The following DOCK4 variants were observed in gnomAD, a reference collection of about 807,000 sequenced individuals.
DOCK4 encodes the protein dedicator of cytokinesis 4.
A neutral mutation model predicts 268.1 loss-of-function variants in DOCK4; 97 were observed. The observed-to-expected ratio is 0.36, with a 90% CI of 0.31 to 0.43. The LOEUF (loss-of-function observed/expected upper bound fraction) is 0.43. Among genes scored for constraint, DOCK4 ranks in the 20% least tolerant of loss-of-function variants. The pLI is 1.00. For synonymous variants in DOCK4, 954 were observed against 887.2 expected (o/e 1.08, Z -1.34); for missense variants, 2,145 against 2,455.7 (o/e 0.87, Z 2.67).
At chr7:111,825,390 C>A (rs1802316562) in intron 26 of DOCK4, among the ~76,000 whole-genome samples, 1 of 152,070 alleles carries the variant, frequency 6.6e-6, no homozygotes, top group South Asian at 2.1e-4. Context: ...TCCCTCCCTC[C>A]CACCCAAAAT....
chr7:112,091,692 G>A (rs1400115635), intron 1 of DOCK4, among the ~76,000 whole-genome samples: 1 of 152,116 alleles, frequency 6.6e-6, no homozygotes, highest in Non-Finnish European at 1.5e-5. Context: ...CAACTCACAA[G>A]GGTATTTCTC....
intron 4 of DOCK4, 49 bp from the exon 5 acceptor site, chr7:111,994,280 A>G: frequency 7.9e-7 from 1 of 1,267,360 alleles, no homozygotes; most frequent in Non-Finnish European, 1.1e-6. Flanking sequence ...CATAGACAAC[A>G]ATTTTGTTTT....
intron 1 of DOCK4, among the ~76,000 whole-genome samples, chr7:112,205,807 G>T (rs879288772): frequency 3.3e-5 from 5 of 150,794 alleles, no homozygotes; most frequent in Non-Finnish European, 5.9e-5. Context: ...ACGCCCAGTC[G>T]CCACTCCAAA....
chr7:111,976,562 T>C (rs1355353292), intron 8 of DOCK4: 3 of 151,858 alleles, frequency 2.0e-5, no homozygotes, highest in Non-Finnish European at 4.4e-5. Context: ...ATACACCATA[T>C]ATCTTTTCTA....
chr7:111,945,169 A>G (rs7811953), intron 9 of DOCK4, among the ~76,000 whole-genome samples: 18,620 of 152,138 alleles, frequency 0.12, 1,578 homozygotes, highest in East Asian at 0.37. Context: ...TGCTGAGTGC[A>G]ATCACTGGTT....
At chr7:112,168,265 T>C (rs900497031) in intron 1 of DOCK4, among the ~76,000 whole-genome samples, 5 of 152,224 alleles carry the variant, frequency 3.3e-5, no homozygotes, top group African/African-American at 1.2e-4. Context: ...TGGACTACAA[T>C]GAATGAGAAT....
chr7:112,039,507 T>G (rs1022522811), intron 1 of DOCK4, among the ~76,000 whole-genome samples: 1 of 152,120 alleles, frequency 6.6e-6, no homozygotes, highest in Non-Finnish European at 1.5e-5. Context: ...TACATTATAC[T>G]TATCCTTAAA....
At chr7:111,765,032 T>C in intron 39 of DOCK4, 86 bp downstream of exon 39, 2 of 599,830 alleles carry the variant, frequency 3.3e-6, no homozygotes, top group Non-Finnish European at 5.4e-6. Flanking sequence ...TTACCTGTCA[T>C]ATAAAATGTC....
In DOCK4 at chr7:111,728,548, A is replaced by AG. The variant is rs1372335757; in HGVS notation, c.5653dup (p.Leu1885ProfsTer76). The AG allele has an allele frequency of 1.9e-6, 3 of 1,613,676 alleles. No individual in the cohort carries two copies. Among genetic ancestry groups the AG allele is most frequent in the Non-Finnish European group, 2.5e-6 (3 of 1,179,836 alleles). On this transcript the variant is annotated frameshift_variant, in exon 53 of 53. Coordinates refer to ENST00000428084, the MANE Select transcript of DOCK4 (RefSeq NM_001363540.2). LOFTEE classifies it high-confidence loss of function. ...CACGGGCACCGGCACTGGCACCGGCAGGGGGGCCGACTGTTCATTCACCTG... is the reference window on the plus strand; with the variant it reads ...CACGGGCACCGGCACTGGCACCGGCAGGGGGGGCCGACTGTTCATTCACCTG...
At chr7:111,958,406 G>C (rs1274171078) in intron 8 of DOCK4, among the ~76,000 whole-genome samples, 2 of 152,130 alleles carry the variant, frequency 1.3e-5, no homozygotes, top group Non-Finnish European at 2.9e-5. Flanking sequence ...TATCCTGTAG[G>C]GAACTTAGGA....
chr7:111,962,860 T>C (rs1797038893), intron 8 of DOCK4, among the ~76,000 whole-genome samples: 1 of 152,214 alleles, frequency 6.6e-6, no homozygotes, highest in Non-Finnish European at 1.5e-5. Context: ...TCATCTGTAC[T>C]TAATTAAGAC....
At chr7:111,837,374 C>T (rs1311413486) in intron 25 of DOCK4, among the ~76,000 whole-genome samples, 1 of 152,182 alleles carries the variant, frequency 6.6e-6, no homozygotes, top group Non-Finnish European at 1.5e-5. Context: ...TTCACCACCT[C>T]TATTCAACAT....
intron 1 of DOCK4, among the ~76,000 whole-genome samples, chr7:112,146,153 G>A (rs1366284346): frequency 1.3e-5 from 2 of 152,142 alleles, no homozygotes; most frequent in Non-Finnish European, 2.9e-5. Flanking sequence ...TGACTTTACA[G>A]AGGAACTCAC....
chr7:111,844,178 G>A (rs1384094610), intron 25 of DOCK4, among the ~76,000 whole-genome samples: 2 of 152,156 alleles, frequency 1.3e-5, no homozygotes, highest in South Asian at 2.1e-4. Flanking sequence ...AAGAGGCTGA[G>A]GCACGGAGAA....
intron 35 of DOCK4, among the ~76,000 whole-genome samples, chr7:111,782,263 C>T (rs1798830482): frequency 6.6e-6 from 1 of 152,094 alleles, no homozygotes; most frequent in South Asian, 2.1e-4. Flanking sequence ...AGCCTGTTAT[C>T]CTTACAGAAT....
At chr7:111,922,683 G>A (rs1340957092) in intron 12 of DOCK4, among the ~76,000 whole-genome samples, 1 of 152,178 alleles carries the variant, frequency 6.6e-6, no homozygotes, top group African/African-American at 2.4e-5. Flanking sequence ...CCAGGTTCAA[G>A]TGATTCTCCT....
intron 26 of DOCK4, among the ~76,000 whole-genome samples, chr7:111,828,051 T>A (rs1802535561): frequency 6.6e-6 from 1 of 152,152 alleles, no homozygotes. Context: ...GCTGTATATA[T>A]ATGAAATGCC....
intron 8 of DOCK4, among the ~76,000 whole-genome samples, chr7:111,961,594 G>A (rs1487671396): frequency 1.3e-5 from 2 of 152,148 alleles, no homozygotes; most frequent in African/African-American, 4.8e-5. Context: ...AAGCATACAA[G>A]GTATTTTCTC....
At chr7:111,774,692 A>C (rs539887888) in intron 36 of DOCK4, among the ~76,000 whole-genome samples, 1 of 152,218 alleles carries the variant, frequency 6.6e-6, no homozygotes. Flanking sequence ...GAGGCTGAAC[A>C]GACAAGCGTT....
Sources: gnomAD v4.1 joint callset for allele counts (sites outside exome capture counted in the v4.1 genomes callset) on GRCh38, gnomAD v4.1.1 for gene constraint, MANE v1.5 for transcripts, NCBI Gene and HGNC (gene_info 2026-07-23, HGNC 2026-07-21) for gene names.